MICU1: variants seen among roughly 807,000 people sequenced by gnomAD.
The protein encoded by MICU1 is mitochondrial calcium uptake 1.
MICU1 carries 45 observed loss-of-function variants against 56.8 expected under a neutral mutation model. The observed-to-expected ratio is 0.79, with a 90% CI of 0.62 to 1.02. The LOEUF is 1.02. MICU1 is among the 50% of genes least tolerant of loss of function. The pLI, the probability that MICU1 is intolerant of heterozygous loss-of-function variation, is 0.00. For missense variants in MICU1, 504 were observed against 587.1 expected, an observed-to-expected ratio of 0.86 and a Z score of 1.46; for synonymous variants, 186 against 195.1, an observed-to-expected ratio of 0.95 and a Z score of 0.39.
At chr10:72,482,067 C>T (rs571574841) in intron 6 of MICU1, among the ~76,000 whole-genome samples, 12 of 152,236 alleles carry the variant, frequency 7.9e-5, no homozygotes, top group African/African-American at 2.9e-4. Context: ...AAAAAACCAT[C>T]TTTTTCTATG....
intron 1 of MICU1, among the ~76,000 whole-genome samples, chr10:72,608,366 C>A (rs1014974524): frequency 2.0e-5 from 3 of 152,312 alleles, no homozygotes; most frequent in Admixed American, 2.0e-4. Flanking sequence ...GCCACCTCTC[C>A]TGGCCGAAAT....
At chr10:72,616,124 G>A (rs1034279273) in intron 1 of MICU1, among the ~76,000 whole-genome samples, 1 of 152,076 alleles carries the variant, frequency 6.6e-6, no homozygotes, top group African/African-American at 2.4e-5. Context: ...CTTCTGTTTT[G>A]GTTTCTAATT....
intron 5 of MICU1, among the ~76,000 whole-genome samples, chr10:72,525,039 T>C (rs1441583699): frequency 6.6e-6 from 1 of 152,086 alleles, no homozygotes; most frequent in Non-Finnish European, 1.5e-5. Context: ...CAATCAAATA[T>C]GGATGAGTTC....
intron 9 of MICU1, among the ~76,000 whole-genome samples, chr10:72,422,520 G>C (rs1044226694): frequency 6.6e-6 from 1 of 152,070 alleles, no homozygotes; most frequent in Non-Finnish European, 1.5e-5. Flanking sequence ...TCATCGAATA[G>C]GGATGCCTTC....
At chr10:72,437,063 C>A (rs1294586322) in intron 8 of MICU1, among the ~76,000 whole-genome samples, 2 of 152,108 alleles carry the variant, frequency 1.3e-5, no homozygotes, top group Non-Finnish European at 2.9e-5. Context: ...AAAGATACTC[C>A]TCGAGAAGAG....
intron 8 of MICU1, among the ~76,000 whole-genome samples, chr10:72,434,487 T>C (rs964338322): frequency 2.0e-5 from 3 of 152,048 alleles, no homozygotes; most frequent in Non-Finnish European, 4.4e-5. Context: ...AAGCAGAAGA[T>C]CTTATATCCA....
chr10:72,439,611 G>C (rs1864852304), intron 8 of MICU1, among the ~76,000 whole-genome samples: 1 of 152,146 alleles, frequency 6.6e-6, no homozygotes, highest in African/African-American at 2.4e-5. Flanking sequence ...AAGTCAAATT[G>C]TCCCTGTTTG....
chr10:72,420,050 G>C (rs573281854), intron 9 of MICU1, among the ~76,000 whole-genome samples: 2 of 152,132 alleles, frequency 1.3e-5, no homozygotes, highest in South Asian at 4.1e-4. Context: ...CTGCCACAAC[G>C]TAAGACGTGT....
At chr10:72,598,605 A>G (rs1162877406) in intron 1 of MICU1, among the ~76,000 whole-genome samples, 1 of 152,088 alleles carries the variant, frequency 6.6e-6, no homozygotes, top group Non-Finnish European at 1.5e-5. Context: ...GATTAGCTCA[A>G]TCAAATATAC....
At chr10:72,449,588 T>A (rs76314384) in intron 8 of MICU1, among the ~76,000 whole-genome samples, 4,132 of 152,236 alleles carry the variant, frequency 0.027, 180 homozygotes, top group African/African-American at 0.095. Flanking sequence ...ATGTTTTAAA[T>A]CCTGCAGCAG....
rs1840339381 is a variant in MICU1, at chr10:72,563,037, A to G, written c.188T>C (p.Val63Ala). 1 of 1,589,826 alleles carries G rather than the reference A, an allele frequency of 6.3e-7. No individual in the cohort carries two copies. The highest frequency in any genetic ancestry group is 2.3e-5 in the East Asian group (1 of 44,296). The change falls in exon 3 of 12, where the codon GTA becomes GCA. Residue 63 changes from valine (V) to alanine (A), a missense_variant. Coordinates refer to ENST00000361114, the MANE Select transcript of MICU1 (RefSeq NM_001195518.2). Reference sequence around the variant, plus strand: ...ACCGATGTCACTTTTTAGGTTGTCTACACATGGTGGAGATTCTGCATGGGC... The same window carrying G: ...ACCGATGTCACTTTTTAGGTTGTCTGCACATGGTGGAGATTCTGCATGGGC... ...KRAHAESPPC[V>A]DNLKSDIGDK...
intron 2 of MICU1, among the ~76,000 whole-genome samples, chr10:72,566,394 T>C (rs1385572562): frequency 3.3e-5 from 5 of 152,268 alleles, no homozygotes; most frequent in Admixed American, 2.0e-4. Context: ...TATCCCATTA[T>C]TTAAAATGTT....
intron 6 of MICU1, chr10:72,477,693 C>T (rs765813123): frequency 3.2e-5 from 22 of 681,552 alleles, no homozygotes; most frequent in Admixed American, 6.0e-5. Flanking sequence ...CACAACAAGC[C>T]AGCTTTCTAC....
chr10:72,497,096 G>A (rs560811611), intron 6 of MICU1, among the ~76,000 whole-genome samples: 28 of 150,976 alleles, frequency 1.9e-4, no homozygotes, highest in Non-Finnish European at 2.7e-4. Flanking sequence ...GTCTCACTCC[G>A]TCGCCCAGGC....
intron 3 of MICU1, among the ~76,000 whole-genome samples, chr10:72,551,879 T>A (rs1840044014): frequency 6.6e-6 from 1 of 152,184 alleles, no homozygotes; most frequent in Non-Finnish European, 1.5e-5. Flanking sequence ...CAAATGATCC[T>A]TCCGCCATGG....
chr10:72,531,851 A>G (rs889523281), intron 5 of MICU1, among the ~76,000 whole-genome samples: 1 of 152,080 alleles, frequency 6.6e-6, no homozygotes, highest in East Asian at 1.9e-4. Flanking sequence ...CTGATCAAAC[A>G]ATAAATGAAT....
At chr10:72,534,133 A>G (rs16929975) in intron 4 of MICU1, among the ~76,000 whole-genome samples, 3,721 of 151,482 alleles carry the variant, frequency 0.025, 151 homozygotes, top group African/African-American at 0.084. Context: ...GGTAAGGAAT[A>G]TTAGTTTAAT....
intron 1 of MICU1, among the ~76,000 whole-genome samples, chr10:72,585,722 C>T (rs1480014574): frequency 1.3e-5 from 2 of 151,826 alleles, no homozygotes; most frequent in East Asian, 3.9e-4. Context: ...TAGGGTTAAT[C>T]CAATAAGGTG....
At chr10:72,567,758 A>G (rs1840477877) in intron 1 of MICU1, among the ~76,000 whole-genome samples, 1 of 152,176 alleles carries the variant, frequency 6.6e-6, no homozygotes, top group Non-Finnish European at 1.5e-5. Flanking sequence ...GTGTCCCACT[A>G]GTTCCTGCAT....
Sources: allele counts gnomAD v4.1 joint callset (sites outside exome capture counted in the v4.1 genomes callset), GRCh38; gene constraint gnomAD v4.1.1; transcripts MANE v1.5; gene names NCBI Gene and HGNC (gene_info 2026-07-23, HGNC 2026-07-21).